Variants in CACNA1H observed in about 807,000 individuals in gnomAD.
CACNA1H encodes the protein voltage-dependent T-type calcium channel subunit alpha-1H.
Under a neutral mutation model 192.5 loss-of-function variants are expected in CACNA1H, and 149 were observed. That is an observed-to-expected ratio of 0.77 (90% CI 0.68 to 0.89). The LOEUF (loss-of-function observed/expected upper bound fraction) is 0.89, where lower values mean the gene tolerates loss of function less well. Among genes scored for constraint, CACNA1H ranks in the 40% least tolerant of loss-of-function variants. The pLI is 0.00. For missense variants in CACNA1H, 4,257 were observed against 3,423.5 expected (o/e 1.24, Z -6.08); for synonymous variants, 2,202 against 1,475.2 (o/e 1.49, Z -11.29).
At position 1,210,394 on chromosome 16, in the gene CACNA1H, C is replaced by T. The variant is rs1969294587; in HGVS notation, c.3870C>T (p.Val1290=). ...GGTTCCGCGTCTCCTGCCAGAAGGT[C>T]ATCACACACAAGATGTTTGATCACG... is the stretch of plus-strand genomic sequence containing the variant. ...QNRFRVSCQK[V]ITHKMFDHVV... Residue 1290 remains valine, a synonymous_variant, in exon 19 of 35, where the codon GTC becomes GTT. Coordinates refer to ENST00000348261, the MANE Select transcript of CACNA1H (RefSeq NM_021098.3). 1 of 1,363,810 alleles carries T rather than the reference C, an allele frequency of 7.3e-7. No homozygotes were observed. Among genetic ancestry groups the T allele is most frequent in the South Asian group, 1.2e-5 (1 of 85,790 alleles). The allele number at this position is 1,363,810 out of a possible 1,614,324, so 84.5% of individuals were successfully genotyped here.
intron 11 of CACNA1H, among the ~76,000 whole-genome samples, chr16:1,205,511 G>A (rs557510430): frequency 3.9e-5 from 6 of 152,346 alleles, no homozygotes; most frequent in South Asian, 4.1e-4. Flanking sequence ...GGTCAGCTGC[G>A]TCTCAGATGT....
chr16:1,188,127 G>T (rs983785558), intron 2 of CACNA1H, among the ~76,000 whole-genome samples: 3 of 152,256 alleles, frequency 2.0e-5, no homozygotes, highest in African/African-American at 7.2e-5. Flanking sequence ...TTGGGGTCAG[G>T]CTCTTGCCCC....
chr16:1,189,851 T>G (rs1183091914), intron 2 of CACNA1H, among the ~76,000 whole-genome samples: 4 of 152,082 alleles, frequency 2.6e-5, no homozygotes, highest in South Asian at 2.1e-4. Context: ...GGCCTCTCTC[T>G]GGGGGGTTTT....
chr16:1,221,741 C>T lies in CACNA1H; in HGVS notation c.*747C>T, dbSNP rs765008210. 18 of 1,510,994 alleles carry T rather than the reference C, an allele frequency of 1.2e-5. No homozygotes were observed. In the East Asian group the frequency reaches 1.8e-4, roughly 16 times the overall value. The allele number at this position is 1,510,994 out of a possible 1,614,324, so 93.6% of individuals were successfully genotyped here. On this transcript the variant is annotated 3_prime_UTR_variant, in exon 35 of 35. Transcript: ENST00000348261. ...CTCAAGGGAGAGGGAGGGGGCGGAG[C>T]GGAATAAATAGTAACTTATTTAAGA...
Position 1,204,254 on chromosome 16 carries a change from G to GA in CACNA1H, c.2247_2248insA (p.Asp750ArgfsTer67). On this transcript the variant is annotated frameshift_variant, in exon 10 of 35. Transcript: ENST00000348261. LOFTEE classifies it high-confidence loss of function. ...ACCCCACGCGACCACCCCGTGCGAC[G>GA]GACACACCAGGCCCAGGCCCAGGCA... The GA allele has an allele frequency of 1.2e-6, 2 of 1,609,834 alleles. No individual in the cohort carries two copies.
At position 1,201,891 on chromosome 16, in the gene CACNA1H, C is replaced by A; in HGVS notation, c.1441C>A (p.Arg481Ser). The change falls in exon 9 of 35, where the codon CGC (arginine) becomes AGC (serine). Residue 481 changes from arginine to serine, a missense_variant. Transcript: ENST00000348261. ...GCGGCGCAGCTTGCGCCTCTACGCC[C>A]GCTGGCAGAGCCGCTGGCGCAAGAA... ...VKRRSLRLYARWQSRWRKKVD... is the reference protein window; with the variant it reads ...VKRRSLRLYASWQSRWRKKVD... 1.3e-6 allele frequency: 2 copies of A among 1,551,600 alleles called. No individual in the cohort carries two copies. Among genetic ancestry groups the A allele is most frequent in the Non-Finnish European group, 1.7e-6 (2 of 1,147,772 alleles).
rs760985703 is a variant in CACNA1H, at chr16:1,220,545, C to T, written c.6613C>T (p.Arg2205Trp). The T allele has an allele frequency of 3.0e-5, 46 of 1,530,660 alleles. No individual in the cohort carries two copies. Among genetic ancestry groups the T allele is most frequent in the Admixed American group, 1.8e-4 (8 of 44,718 alleles). The allele number at this position is 1,530,660 out of a possible 1,614,324, so 94.8% of individuals were successfully genotyped here. A position where few individuals can be genotyped will look rare whatever the true frequency, so the allele number is the denominator to read the frequency against. The part of the protein sequence containing the change: ...EPPAEDEGSA[R>W]PSAAEGGSTT... ...CCCTGCGGAGGACGAGGGCTCTGCG[C>T]GGCCCTCCGCGGCAGAGGGCGGCAG... Residue 2205 changes from arginine to tryptophan, a missense_variant, in exon 35 of 35, where the codon CGG becomes TGG. By Grantham distance (101) the Arg-to-Trp change is moderately radical. Coordinates refer to ENST00000348261, the MANE Select transcript of CACNA1H (RefSeq NM_021098.3).
chr16:1,161,002 G>A (rs912329427), intron 2 of CACNA1H, among the ~76,000 whole-genome samples: 7 of 152,144 alleles, frequency 4.6e-5, no homozygotes, highest in Admixed American at 2.0e-4. Flanking sequence ...GAGAGGATCC[G>A]GAGGCCCCCA....
intron 2 of CACNA1H, among the ~76,000 whole-genome samples, chr16:1,178,975 A>C (rs557800963): frequency 1.3e-5 from 2 of 152,108 alleles, no homozygotes; most frequent in East Asian, 3.9e-4. Context: ...TCCCAGCCCC[A>C]CCATTTTCCT....
intron 14 of CACNA1H, 34 bp from the exon 15 acceptor site, chr16:1,207,736 C>A: frequency 1.3e-6 from 2 of 1,551,504 alleles, no homozygotes; most frequent in African/African-American, 1.4e-5. Flanking sequence ...CTCACGGGGC[C>A]CCTCATGCCT....
chr16:1,165,546 C>G (rs914381531), intron 2 of CACNA1H, among the ~76,000 whole-genome samples: 2 of 152,214 alleles, frequency 1.3e-5, no homozygotes, highest in Admixed American at 6.5e-5. Flanking sequence ...CCCCCCTCCC[C>G]ACCTGGCCTC....
chr16:1,205,178 A>G lies in CACNA1H; in HGVS notation c.2516A>G (p.Glu839Gly). ...GTGTTCACCAGCATGTTTGCCCTGGAGATGCTGCTGAAGCTGCTGGCCTGC... is the reference window on the plus strand; with the variant it reads ...GTGTTCACCAGCATGTTTGCCCTGGGGATGCTGCTGAAGCTGCTGGCCTGC... ...NIVFTSMFAL[E>G]MLLKLLACGP... The change falls in exon 11 of 35, where the codon GAG becomes GGG. Residue 839 changes from glutamate to glycine, a missense_variant. Transcript: ENST00000348261. The G allele has an allele frequency of 1.2e-6, 2 of 1,613,128 alleles. No individual in the cohort carries two copies. The highest frequency in any genetic ancestry group is 1.7e-6 in the Non-Finnish European group (2 of 1,179,764).
Position 1,153,823 on chromosome 16 carries a change from C to T in CACNA1H, c.86C>T (p.Ser29Phe), listed in dbSNP as rs1443348691. The T allele has an allele frequency of 2.3e-6, 3 of 1,284,482 alleles. No individual in the cohort carries two copies. Among genetic ancestry groups the T allele is most frequent in the Admixed American group, 8.4e-5 (2 of 23,772 alleles). 79.6% of individuals were successfully genotyped at this position (1,284,482 alleles called of 1,614,324 possible). A position where few individuals can be genotyped will look rare whatever the true frequency, so the allele number is the denominator to read the frequency against. ...PPGPAALVGA[S>F]PESPGAPGRE... ...GGCCCTGCGGCGTTGGTGGGGGCGT[C>T]CCCGGAGAGCCCCGGGGCGCCGGGA... is the stretch of plus-strand genomic sequence containing the variant. Residue 29 changes from serine to phenylalanine, a missense_variant, in exon 2 of 35, where the codon TCC becomes TTC. Ser to Phe is a radical substitution (Grantham distance 155). Transcript: ENST00000348261.
intron 5 of CACNA1H, 123 bp downstream of exon 5, chr16:1,196,146 G>T: frequency 1.3e-6 from 1 of 759,938 alleles, no homozygotes; most frequent in Non-Finnish European, 2.2e-6. Flanking sequence ...AGGCACTCCG[G>T]CCCCAGCCCA....
rs781368553 is a variant in CACNA1H at position 1,207,346 on chromosome 16, C to G, written c.2979C>G (p.Leu993=). The G allele has an allele frequency of 6.2e-7, 1 of 1,612,858 alleles. No homozygotes were observed. The highest frequency in any genetic ancestry group is 8.5e-7 in the Non-Finnish European group (1 of 1,179,644). ...GMASTSSWAA[L]YFVALMTFGN... is the part of the protein sequence containing the mutation. ...CCTCCACCTCCTCCTGGGCCGCCCT[C>G]TACTTCGTGGCCCTCATGACCTTCG... Residue 993 remains leucine (L), a synonymous_variant, in exon 14 of 35, where the codon CTC becomes CTG. Transcript: ENST00000348261.
In CACNA1H at chr16:1,210,359, C is replaced by CCCCCCCCCCCCCCGG; in HGVS notation, c.3846-11_3846-10insCCCCCCCCCCCCCGG. On this transcript the variant is annotated splice_polypyrimidine_tract_variant and intron_variant, in intron 18 of 34. Coordinates refer to ENST00000348261, the MANE Select transcript of CACNA1H (RefSeq NM_021098.3). ...CCCCGCCCCACCTCTCACCCGCCCC[C>CCCCCCCCCCCCCCGG]GCCCACCCAGGTTCCGCGTCTCCTG... The CCCCCCCCCCCCCCGG allele has an allele frequency of 6.8e-7, 1 of 1,475,490 alleles. No homozygotes were observed. The highest frequency in any genetic ancestry group is 9.2e-7 in the Non-Finnish European group (1 of 1,091,420). The allele number at this position is 1,475,490 out of a possible 1,614,324, so 91.4% of individuals were successfully genotyped here.
At chr16:1,185,373 G>A (rs56708667) in intron 2 of CACNA1H, among the ~76,000 whole-genome samples, 12,861 of 151,988 alleles carry the variant, frequency 0.085, 1,445 homozygotes, top group African/African-American at 0.26. Context: ...CAGGATTGGC[G>A]TTCATAGCCT....
chr16:1,162,197 C>G (rs1963273759), intron 2 of CACNA1H, among the ~76,000 whole-genome samples: 1 of 152,162 alleles, frequency 6.6e-6, no homozygotes, highest in South Asian at 2.1e-4. Flanking sequence ...CGCCCTGGGC[C>G]TCTGGCCTCC....
intron 2 of CACNA1H, among the ~76,000 whole-genome samples, chr16:1,192,004 T>A (rs1188153898): frequency 6.6e-6 from 1 of 152,268 alleles, no homozygotes; most frequent in Non-Finnish European, 1.5e-5. Flanking sequence ...GGAGGCCGTC[T>A]GCAGCTGGCG....
Sources: gnomAD v4.1 joint callset for allele counts (sites outside exome capture counted in the v4.1 genomes callset) on GRCh38, gnomAD v4.1.1 for gene constraint, MANE v1.5 for transcripts, NCBI Gene and HGNC (gene_info 2026-07-23, HGNC 2026-07-21) for gene names.